The following LDLRAD4 variants were observed in gnomAD, a reference collection of about 807,000 sequenced individuals.
The protein encoded by LDLRAD4 is low density lipoprotein receptor class A domain containing 4.
In LDLRAD4, 5 loss-of-function variants were observed where a neutral mutation model predicts 17.0. The ratio of observed to expected loss-of-function variants is 0.29; its 90% CI spans 0.15 to 0.62. LDLRAD4 has a LOEUF of 0.62. Ranked by LOEUF, LDLRAD4 falls within the 20% of genes least tolerant of loss-of-function variation. The pLI is 0.84. For synonymous variants in LDLRAD4, 168 were observed against 171.8 expected (o/e 0.98, Z 0.17); for missense variants, 340 against 424.7 (o/e 0.80, Z 1.75).
chr18:13,431,950 C>A lies in LDLRAD4; in HGVS notation c.41-6294C>A, dbSNP rs145564801. On this transcript the variant is annotated intron_variant, in intron 2 of 5. Transcript: ENST00000359446. Reference sequence around the variant, plus strand: ...AGCCCGTCTTTGAGTGAGGTCAGAGCGTCACCAGTGAGGCCGGTGCCTTTA... The same window carrying A: ...AGCCCGTCTTTGAGTGAGGTCAGAGAGTCACCAGTGAGGCCGGTGCCTTTA... Among the ~76,000 whole-genome samples, 676 of 152,344 alleles carry A rather than the reference C, an allele frequency of 4.4e-3. 6 individuals carry two copies. The highest frequency in any genetic ancestry group is 0.015 in the African/African-American group (636 of 41,574).
intron 1 of LDLRAD4, among the ~76,000 whole-genome samples, chr18:13,292,313 G>A (rs1260335797): frequency 6.6e-6 from 1 of 152,192 alleles, no homozygotes; most frequent in Non-Finnish European, 1.5e-5. Flanking sequence ...GCGTGCCCTG[G>A]GCATATTTGT....
chr18:13,472,798 T>C (rs2146790571), intron 3 of LDLRAD4: 1 of 152,394 alleles, frequency 6.6e-6, no homozygotes, highest in South Asian at 2.1e-4. Context: ...ACTCCTTGTT[T>C]GTTTTCACTG....
chr18:13,439,165 T>C (rs946259851), intron 3 of LDLRAD4, among the ~76,000 whole-genome samples: 2 of 152,210 alleles, frequency 1.3e-5, no homozygotes, highest in Non-Finnish European at 2.9e-5. Context: ...GCATTGAGCT[T>C]CTCTCCCCAG....
chr18:13,441,031 T>C (rs1478387732), intron 3 of LDLRAD4, among the ~76,000 whole-genome samples: 1 of 152,120 alleles, frequency 6.6e-6, no homozygotes, highest in African/African-American at 2.4e-5. Flanking sequence ...ACGGCGCGGG[T>C]TGCCTCTGGA....
chr18:13,227,979 G>A (rs771774965), intron 1 of LDLRAD4, among the ~76,000 whole-genome samples: 9 of 152,208 alleles, frequency 5.9e-5, no homozygotes, highest in African/African-American at 1.2e-4. Context: ...GCCTAGGTGC[G>A]TGAGCCCAGG....
intron 1 of LDLRAD4, among the ~76,000 whole-genome samples, chr18:13,269,361 G>C (rs1043415688): frequency 2.0e-5 from 3 of 152,192 alleles, no homozygotes; most frequent in African/African-American, 4.8e-5. Context: ...GAGGAACTTG[G>C]TAATTTTTTA....
intron 1 of LDLRAD4, among the ~76,000 whole-genome samples, chr18:13,288,968 G>A (rs1395771313): frequency 6.6e-6 from 1 of 152,248 alleles, no homozygotes; most frequent in African/African-American, 2.4e-5. Flanking sequence ...AGCTTTGGCA[G>A]GAGAACTTAG....
At chr18:13,304,081 G>T (rs2046767034) in intron 1 of LDLRAD4, among the ~76,000 whole-genome samples, 2 of 152,186 alleles carry the variant, frequency 1.3e-5, no homozygotes, top group Non-Finnish European at 1.5e-5. Flanking sequence ...CTGGGGTCTG[G>T]TCCCCCCGGG....
exon 2 of LDLRAD4, chr18:13,387,523 C>T: frequency 1.9e-6 from 1 of 525,440 alleles, no homozygotes; most frequent in Non-Finnish European, 3.4e-6. Context: ...GGAGCAGGGA[C>T]CGCCGCCGCC....
At chr18:13,457,746 C>T (rs2092219513) in intron 3 of LDLRAD4, among the ~76,000 whole-genome samples, 1 of 152,154 alleles carries the variant, frequency 6.6e-6, no homozygotes, top group Admixed American at 6.5e-5. Context: ...CCAAGCATCC[C>T]AGGGCCCTCT....
chr18:13,491,689 C>A (rs2093361372), intron 3 of LDLRAD4: 2 of 152,068 alleles, frequency 1.3e-5, no homozygotes, highest in Admixed American at 1.3e-4. Context: ...TATGAGCAGT[C>A]ATAAAGTTAA....
At chr18:13,423,163 G>T (rs2089636700) in intron 2 of LDLRAD4, among the ~76,000 whole-genome samples, 1 of 152,144 alleles carries the variant, frequency 6.6e-6, no homozygotes, top group South Asian at 2.1e-4. Context: ...GCCTTTAAGG[G>T]AACAAGTTTC....
chr18:13,565,665 T>G (rs538681839), intron 3 of LDLRAD4, among the ~76,000 whole-genome samples: 126 of 152,324 alleles, frequency 8.3e-4, no homozygotes, highest in African/African-American at 2.7e-3. Context: ...AAGGGTTCTA[T>G]TGTGGCTCAT....
intron 3 of LDLRAD4, among the ~76,000 whole-genome samples, chr18:13,571,610 A>T (rs547216419): frequency 6.4e-4 from 98 of 152,212 alleles, no homozygotes; most frequent in African/African-American, 2.3e-3. Context: ...CTGAAAAATG[A>T]TATAGAGCAA....
chr18:13,616,262 G>GGGT (rs2040068238), intron 3 of LDLRAD4: 3 of 150,722 alleles, frequency 2.0e-5, no homozygotes, highest in African/African-American at 7.4e-5. Context: ...GGGGGGGGGG[G>GGGT]GGTTGCCACA....
In LDLRAD4 at chr18:13,388,946, C is replaced by G. The variant is rs1270694103; in HGVS notation, c.40+1184C>G. 2.6e-5 allele frequency among the ~76,000 whole-genome samples: 4 copies of G among 152,310 alleles called. No individual in the cohort carries two copies. In the East Asian group the frequency reaches 5.8e-4, roughly 22 times the overall value. On this transcript the variant is annotated intron_variant, in intron 2 of 5. Coordinates refer to ENST00000359446, the Ensembl canonical transcript of LDLRAD4. ...GTGGGTCAGGGCCCGTGCTGGTTAGCTTGGCAGCTGTGTAGATGTCTCCCT... is the reference window on the plus strand; with the variant it reads ...GTGGGTCAGGGCCCGTGCTGGTTAGGTTGGCAGCTGTGTAGATGTCTCCCT...
chr18:13,506,053 T>C (rs749690415), intron 3 of LDLRAD4, among the ~76,000 whole-genome samples: 4 of 152,048 alleles, frequency 2.6e-5, no homozygotes, highest in Non-Finnish European at 5.9e-5. Flanking sequence ...CGTTGTAAAG[T>C]ATCTCCAAGA....
intron 3 of LDLRAD4, among the ~76,000 whole-genome samples, chr18:13,444,899 G>A (rs1328037675): frequency 1.3e-5 from 2 of 152,194 alleles, no homozygotes; most frequent in Non-Finnish European, 2.9e-5. Context: ...AAATATCCAC[G>A]TGATGCTGGC....
intron 2 of LDLRAD4, among the ~76,000 whole-genome samples, chr18:13,395,634 G>A (rs182575163): frequency 0.051 from 3,772 of 73,382 alleles, 246 homozygotes; most frequent in East Asian, 0.19. Flanking sequence ...GGGAGTTGGC[G>A]TTGGGTGGGG....
Sources: gnomAD v4.1 joint callset for allele counts (sites outside exome capture counted in the v4.1 genomes callset) on GRCh38, gnomAD v4.1.1 for gene constraint, MANE v1.5 for transcripts, NCBI Gene and HGNC (gene_info 2026-07-23, HGNC 2026-07-21) for gene names.